The following PIK3C2G variants were observed in gnomAD, a reference collection of about 807,000 sequenced individuals.
PIK3C2G encodes phosphatidylinositol-4-phosphate 3-kinase catalytic subunit type 2 gamma, also known as phosphatidylinositol 3-kinase C2 domain-containing subunit gamma.
In PIK3C2G, 168 loss-of-function variants were observed where a neutral mutation model predicts 181.1. That is an observed-to-expected ratio of 0.93 (90% CI 0.82 to 1.05). The LOEUF (loss-of-function observed/expected upper bound fraction) is 1.05. PIK3C2G is among the 50% of genes least tolerant of loss of function. The pLI is 0.00. For synonymous variants in PIK3C2G, 573 were observed against 592.2 expected (o/e 0.97, Z 0.47); for missense variants, 1,869 against 1,732.8 (o/e 1.08, Z -1.40).
chr12:18,549,568 T>G (rs1000378686), intron 26 of PIK3C2G, among the ~76,000 whole-genome samples: 3 of 151,982 alleles, frequency 2.0e-5, no homozygotes, highest in Non-Finnish European at 4.4e-5. Context: ...TTCTCTATGC[T>G]CAAAATCACC....
chr12:18,356,644 C>T (rs1385617096), intron 11 of PIK3C2G, among the ~76,000 whole-genome samples: 1 of 151,940 alleles, frequency 6.6e-6, no homozygotes, highest in African/African-American at 2.4e-5. Flanking sequence ...GATTTCACTG[C>T]CAATGAAAGT....
intron 18 of PIK3C2G, among the ~76,000 whole-genome samples, chr12:18,428,289 GA>G (rs570128135): frequency 1.3e-4 from 18 of 141,440 alleles, no homozygotes; most frequent in Non-Finnish European, 2.5e-4. Flanking sequence ...CACGATTCAT[GA>G]AAAAAAAATA....
At chr12:18,490,112 T>C (rs1050262876) in intron 19 of PIK3C2G, among the ~76,000 whole-genome samples, 1 of 152,142 alleles carries the variant, frequency 6.6e-6, no homozygotes, top group African/African-American at 2.4e-5. Context: ...CATAACTATA[T>C]GAACTGGGAA....
intron 15 of PIK3C2G, among the ~76,000 whole-genome samples, chr12:18,396,467 G>T (rs993421450): frequency 2.0e-5 from 3 of 151,358 alleles, no homozygotes; most frequent in Non-Finnish European, 3.0e-5. Flanking sequence ...CACGATGTCT[G>T]CTTCAAACAT....
At chr12:18,722,625 G>C in the PIK3C2G span, among the ~76,000 whole-genome samples, 7 of 151,840 alleles carry the variant, frequency 4.6e-5, no homozygotes, top group Non-Finnish European at 8.8e-5. Context: ...TGTATTATGT[G>C]TTTATAATTT....
upstream of PIK3C2G, among the ~76,000 whole-genome samples, chr12:18,258,052 A>G (rs1367395739): frequency 6.6e-6 from 1 of 152,148 alleles, no homozygotes; most frequent in African/African-American, 2.4e-5. Context: ...TCCACTTGGC[A>G]GAGGGTCAAA....
intron 11 of PIK3C2G, among the ~76,000 whole-genome samples, chr12:18,354,807 T>G (rs1194032997): frequency 6.6e-6 from 1 of 152,074 alleles, no homozygotes; most frequent in Non-Finnish European, 1.5e-5. Context: ...GACAAGGAAA[T>G]AGGTATCCCT....
At chr12:18,292,238 A>ATATATATG (rs1484391775) in intron 4 of PIK3C2G, among the ~76,000 whole-genome samples, 1 of 132,818 alleles carries the variant, frequency 7.5e-6, no homozygotes, top group Non-Finnish European at 1.6e-5. Flanking sequence ...ATATATATAT[A>ATATATATG]TATATATATA....
At chr12:18,678,070 T>C in the PIK3C2G span, among the ~76,000 whole-genome samples, 1 of 152,108 alleles carries the variant, frequency 6.6e-6, no homozygotes, top group East Asian at 1.9e-4. Context: ...ATAAATATTA[T>C]GCAAACAACT....
the PIK3C2G span, among the ~76,000 whole-genome samples, chr12:18,695,624 C>T: frequency 1.3e-5 from 2 of 152,088 alleles, no homozygotes; most frequent in Non-Finnish European, 2.9e-5. Flanking sequence ...CACCTACAGG[C>T]CTTGCCACAA....
intron 18 of PIK3C2G, among the ~76,000 whole-genome samples, chr12:18,427,010 T>C (rs1460960203): frequency 6.6e-6 from 1 of 152,172 alleles, no homozygotes; most frequent in African/African-American, 2.4e-5. Context: ...GAAAGTTAAG[T>C]GGATACACTT....
At chr12:18,373,804 A>T (rs550087708) in intron 13 of PIK3C2G, among the ~76,000 whole-genome samples, 62 of 152,058 alleles carry the variant, frequency 4.1e-4, no homozygotes, top group South Asian at 1.2e-3. Flanking sequence ...AGTGAGCCAA[A>T]TTGGTGCCAC....
the PIK3C2G span, among the ~76,000 whole-genome samples, chr12:18,665,874 G>T: frequency 1.3e-4 from 19 of 151,154 alleles, no homozygotes; most frequent in Admixed American, 1.3e-3. Flanking sequence ...GGCAGAGGTT[G>T]CAGTGAGCCA....
the PIK3C2G span, among the ~76,000 whole-genome samples, chr12:18,670,565 G>T: frequency 6.6e-6 from 1 of 152,034 alleles, no homozygotes; most frequent in Admixed American, 6.6e-5. Context: ...TTGATATGAG[G>T]GTTAACTTCC....
chr12:18,443,504 G>A (rs1946859000), intron 18 of PIK3C2G, among the ~76,000 whole-genome samples: 1 of 150,930 alleles, frequency 6.6e-6, no homozygotes, highest in African/African-American at 2.4e-5. Context: ...CACTTCTTTT[G>A]TTATATCTTT....
chr12:18,616,673 G>A (rs560288774), intron 31 of PIK3C2G, among the ~76,000 whole-genome samples: 9 of 151,956 alleles, frequency 5.9e-5, no homozygotes, highest in South Asian at 4.2e-4. Context: ...GTCTTGTACC[G>A]TAATCTCTGC....
the PIK3C2G span, among the ~76,000 whole-genome samples, chr12:18,659,781 G>A: frequency 6.7e-6 from 1 of 150,026 alleles, no homozygotes; most frequent in Non-Finnish European, 1.5e-5. Context: ...CCGTTAACTC[G>A]TTATTTAGCA....
chr12:18,606,032 T>C (rs371477651), intron 30 of PIK3C2G, among the ~76,000 whole-genome samples: 16 of 152,282 alleles, frequency 1.1e-4, no homozygotes, highest in African/African-American at 3.8e-4. Flanking sequence ...CAGTCAAAGC[T>C]ACAGAAATAA....
chr12:18,560,821 C>T (rs929799763), intron 26 of PIK3C2G, among the ~76,000 whole-genome samples: 1 of 151,798 alleles, frequency 6.6e-6, no homozygotes, highest in Non-Finnish European at 1.5e-5. Context: ...CCAGAAAAAC[C>T]AATACAGAAG....
Sources: allele counts gnomAD v4.1 joint callset (sites outside exome capture counted in the v4.1 genomes callset), GRCh38; gene constraint gnomAD v4.1.1; transcripts MANE v1.5; gene names NCBI Gene and HGNC (gene_info 2026-07-23, HGNC 2026-07-21).